Variants in UBE3D observed in about 807,000 individuals in gnomAD.
UBE3D encodes the protein E3 ubiquitin-protein ligase E3D.
UBE3D carries 48 observed loss-of-function variants against 49.6 expected under a neutral mutation model. That is an observed-to-expected ratio of 0.97 (90% confidence interval 0.77 to 1.23). The LOEUF is 1.23. Ranked by LOEUF, UBE3D falls within the 50% of genes most tolerant of loss-of-function variation. The probability of loss-of-function intolerance (pLI) is 0.00; values close to 1 mark genes in which losing one functional copy is unlikely to be tolerated. For synonymous variants in UBE3D, 189 were observed against 174.2 expected (o/e 1.08, Z -0.67); for missense variants, 452 against 468.4 (o/e 0.96, Z 0.32).
intron 5 of UBE3D, among the ~76,000 whole-genome samples, chr6:83,027,459 A>AAAAAAAAAAAAAAAAAAAAC (rs1562202231): frequency 6.8e-6 from 1 of 147,314 alleles, no homozygotes; most frequent in African/African-American, 2.5e-5. Flanking sequence ...AAAAAAAAAA[A>AAAAAAAAAAAAAAAAAAAAC]AAGAAACCAC....
intron 5 of UBE3D, among the ~76,000 whole-genome samples, chr6:83,030,999 G>A (rs1781826238): frequency 6.6e-6 from 1 of 152,064 alleles, no homozygotes; most frequent in African/African-American, 2.4e-5. Context: ...AGGGTATCTG[G>A]TGGAAGAAAT....
intron 8 of UBE3D, among the ~76,000 whole-genome samples, chr6:82,996,467 T>C (rs1203012514): frequency 5.9e-5 from 9 of 152,146 alleles, no homozygotes. Flanking sequence ...TGCCTAAAAA[T>C]TCCAAATAAA....
At chr6:83,023,360 A>G (rs974128001) in intron 6 of UBE3D, among the ~76,000 whole-genome samples, 1 of 152,246 alleles carries the variant, frequency 6.6e-6, no homozygotes, top group Non-Finnish European at 1.5e-5. Context: ...CTACAGCACT[A>G]TATGATCAAA....
intron 9 of UBE3D, among the ~76,000 whole-genome samples, chr6:82,921,600 A>G (rs1325752522): frequency 6.6e-6 from 1 of 152,208 alleles, no homozygotes; most frequent in Non-Finnish European, 1.5e-5. Flanking sequence ...TGCCTGTCTC[A>G]GCCTCAGCTC....
At chr6:82,928,253 C>T (rs551735087) in intron 9 of UBE3D, among the ~76,000 whole-genome samples, 8 of 151,984 alleles carry the variant, frequency 5.3e-5, no homozygotes, top group South Asian at 2.1e-4. Context: ...TCCCGGGAAC[C>T]GCATATGAAT....
intron 2 of UBE3D, among the ~76,000 whole-genome samples, chr6:83,055,776 C>A (rs1783778812): frequency 6.6e-6 from 1 of 152,184 alleles, no homozygotes; most frequent in African/African-American, 2.4e-5. Context: ...GTGTTCTTAG[C>A]ATTGAAAAGT....
chr6:83,059,544 G>A (rs1198040314), intron 1 of UBE3D, among the ~76,000 whole-genome samples: 4 of 152,210 alleles, frequency 2.6e-5, no homozygotes, highest in African/African-American at 7.2e-5. Flanking sequence ...AAACTAGACT[G>A]TGTAGAGTTG....
At chr6:82,893,231 A>C (rs538006155) in intron 9 of UBE3D, among the ~76,000 whole-genome samples, 189 bp from the exon 10 acceptor site, 1 of 152,142 alleles carries the variant, frequency 6.6e-6, no homozygotes, top group South Asian at 2.1e-4. Flanking sequence ...TTTTTAATGA[A>C]CCATATAGTA....
At chr6:82,966,061 AC>A (rs1776894648) in intron 8 of UBE3D, among the ~76,000 whole-genome samples, 1 of 152,112 alleles carries the variant, frequency 6.6e-6, no homozygotes, top group South Asian at 2.1e-4. Context: ...AATATCCTCA[AC>A]CGCCTCATTA....
At chr6:82,912,024 A>C (rs1314842922) in intron 9 of UBE3D, among the ~76,000 whole-genome samples, 1 of 151,176 alleles carries the variant, frequency 6.6e-6, no homozygotes, top group Admixed American at 6.6e-5. Context: ...CTTCTCTCCT[A>C]ACTATAAGCT....
chr6:82,910,372 T>C (rs989254131), intron 9 of UBE3D, among the ~76,000 whole-genome samples: 1 of 152,224 alleles, frequency 6.6e-6, no homozygotes, highest in Non-Finnish European at 1.5e-5. Flanking sequence ...AACTAGAATC[T>C]AGGTTTATTA....
chr6:83,035,941 G>C (rs967203823), intron 5 of UBE3D: 1 of 151,692 alleles, frequency 6.6e-6, no homozygotes, highest in South Asian at 2.1e-4. Flanking sequence ...ACTAAGTGCT[G>C]AGATTACAGG....
At chr6:82,964,170 G>T (rs997060733) in intron 8 of UBE3D, among the ~76,000 whole-genome samples, 3 of 152,020 alleles carry the variant, frequency 2.0e-5, no homozygotes, top group African/African-American at 4.8e-5. Context: ...AGCAACTACG[G>T]CCTATCTATT....
At chr6:82,931,639 C>A (rs1774162417) in intron 9 of UBE3D, among the ~76,000 whole-genome samples, 1 of 152,236 alleles carries the variant, frequency 6.6e-6, no homozygotes, top group African/African-American at 2.4e-5. Flanking sequence ...TTCAGACTTG[C>A]ATGGAGCCTG....
chr6:82,917,077 G>A (rs1056540075), intron 9 of UBE3D, among the ~76,000 whole-genome samples: 2 of 152,114 alleles, frequency 1.3e-5, no homozygotes, highest in Non-Finnish European at 2.9e-5. Context: ...CTTTTCTAAA[G>A]AATGTGAAAC....
rs1356127483 is a variant in UBE3D, at chr6:83,052,439, G to A, written c.365+1709C>T. Among the ~76,000 whole-genome samples, 42 of 152,200 alleles carry A rather than the reference G, an allele frequency of 2.8e-4. 1 individual carries two copies. On this transcript the variant is annotated intron_variant, in intron 3 of 9. Coordinates refer to ENST00000369747, the MANE Select transcript of UBE3D (RefSeq NM_198920.3). The stretch of plus-strand genomic sequence containing the variant: ...AACACCTAAACCAACCCAGGGTTGA[G>A]AGAAGGCTCATAACAGTACCTGTCC...
intron 1 of UBE3D, among the ~76,000 whole-genome samples, chr6:83,063,516 T>C (rs185200976): frequency 6.9e-4 from 105 of 152,170 alleles, no homozygotes; most frequent in African/African-American, 2.4e-3. Flanking sequence ...AGCTCTTGTT[T>C]TGAGACAGTA....
At chr6:82,988,705 G>A (rs187748664) in intron 8 of UBE3D, among the ~76,000 whole-genome samples, 1 of 152,246 alleles carries the variant, frequency 6.6e-6, no homozygotes, top group Admixed American at 6.5e-5. Flanking sequence ...GTTCTGCCAT[G>A]TGCCATTTCC....
At chr6:82,888,138 G>C (rs1770922358), downstream of UBE3D, among the ~76,000 whole-genome samples, 1 of 151,972 alleles carries the variant, frequency 6.6e-6, no homozygotes, top group Non-Finnish European at 1.5e-5. Flanking sequence ...TCAATCTGCA[G>C]AAAGCCTGCC....
Sources: gnomAD v4.1 joint callset for allele counts (sites outside exome capture counted in the v4.1 genomes callset) on GRCh38, gnomAD v4.1.1 for gene constraint, MANE v1.5 for transcripts, NCBI Gene and HGNC (gene_info 2026-07-23, HGNC 2026-07-21) for gene names.